Variants in GRIP1 observed in about 807,000 individuals in gnomAD.
GRIP1 encodes the protein glutamate receptor interacting protein 1.
GRIP1 carries 45 observed loss-of-function variants against 129.9 expected under a neutral mutation model. That is an observed-to-expected ratio of 0.35 (90% CI 0.27 to 0.44). The LOEUF (loss-of-function observed/expected upper bound fraction) is 0.44. GRIP1 is among the 20% of genes least tolerant of loss of function. The pLI is 1.00. For missense variants in GRIP1, 1,196 were observed against 1,396.8 expected, an observed-to-expected ratio of 0.86 and a Z score of 2.29; for synonymous variants, 530 against 520.8, an observed-to-expected ratio of 1.02 and a Z score of -0.24.
At chr12:66,928,469 G>A (rs1421821752) in intron 1 of GRIP1, among the ~76,000 whole-genome samples, 1 of 151,978 alleles carries the variant, frequency 6.6e-6, no homozygotes, top group African/African-American at 2.4e-5. Flanking sequence ...AATTGACCAG[G>A]AGTTTCCTTG....
At chr12:66,368,179 G>T (rs1238533863) in intron 23 of GRIP1, among the ~76,000 whole-genome samples, 3 of 152,136 alleles carry the variant, frequency 2.0e-5, no homozygotes, top group Non-Finnish European at 4.4e-5. Context: ...TGGAAGGTGA[G>T]CCAATGCATT....
intron 1 of GRIP1, among the ~76,000 whole-genome samples, chr12:66,769,757 A>G (rs1385584291): frequency 1.3e-5 from 2 of 152,122 alleles, no homozygotes; most frequent in African/African-American, 2.4e-5. Context: ...AATATTTGTA[A>G]TGTCTTTTTG....
At chr12:66,503,780 G>A (rs537754950) in intron 7 of GRIP1, among the ~76,000 whole-genome samples, 3 of 152,258 alleles carry the variant, frequency 2.0e-5, no homozygotes, top group Admixed American at 2.0e-4. Context: ...GAAAAGCTTG[G>A]GGGAGCCTAC....
At chr12:66,994,197 GA>G (rs796904380) in intron 1 of GRIP1, among the ~76,000 whole-genome samples, 223 of 136,938 alleles carry the variant, frequency 1.6e-3, no homozygotes, top group Middle Eastern at 7.7e-3. Flanking sequence ...AGACAAGTGG[GA>G]AAAAAAAAAA....
In GRIP1 at chr12:67,059,766, C is replaced by T. The variant is rs985691212; in HGVS notation, c.58+9284G>A. 1.6e-4 allele frequency among the ~76,000 whole-genome samples: 25 copies of T among 152,306 alleles called. No homozygotes were observed. The South Asian group carries it at 1.9e-3, about 11-fold the overall frequency. ...GCCCATCCTTCTGAACCATTATCTC[C>T]AACCCCAGCTATATAAGTATACTCT... On this transcript the variant is annotated intron_variant, in intron 1 of 1. Coordinates refer to the GRIP1 transcript ENST00000643019.
intron 7 of GRIP1, among the ~76,000 whole-genome samples, chr12:66,478,817 G>T (rs1015001438): frequency 1.3e-5 from 2 of 152,094 alleles, no homozygotes; most frequent in African/African-American, 4.8e-5. Context: ...CTCATAGGTG[G>T]GAACTGAACA....
At chr12:66,588,741 C>T (rs1183478180) in intron 2 of GRIP1, among the ~76,000 whole-genome samples, 2 of 152,036 alleles carry the variant, frequency 1.3e-5, no homozygotes, top group East Asian at 3.9e-4. Flanking sequence ...GAGGCCGAGG[C>T]AGGTAGATCA....
chr12:66,465,770 A>T (rs2059269190), intron 7 of GRIP1, among the ~76,000 whole-genome samples: 1 of 152,234 alleles, frequency 6.6e-6, no homozygotes, highest in Admixed American at 6.5e-5. Context: ...AAGGTTTTTT[A>T]AATTAATTAC....
At chr12:66,591,083 G>A (rs1374812190) in intron 2 of GRIP1, among the ~76,000 whole-genome samples, 1 of 152,084 alleles carries the variant, frequency 6.6e-6, no homozygotes, top group African/African-American at 2.4e-5. Context: ...TAGAGGACCT[G>A]CCCTCCTGTA....
chr12:66,703,588 G>A (rs1032006197), intron 1 of GRIP1, among the ~76,000 whole-genome samples: 1 of 152,030 alleles, frequency 6.6e-6, no homozygotes, highest in African/African-American at 2.4e-5. Flanking sequence ...GGATCAACAG[G>A]GCAACTGACA....
At chr12:67,028,758 T>C (rs1389379486) in intron 1 of GRIP1, among the ~76,000 whole-genome samples, 3 of 152,216 alleles carry the variant, frequency 2.0e-5, no homozygotes, top group East Asian at 1.9e-4. Context: ...GTGGTAACTG[T>C]ATACTACAGT....
intron 1 of GRIP1, among the ~76,000 whole-genome samples, chr12:67,041,341 GAC>G (rs531521774): frequency 1.4e-3 from 207 of 151,812 alleles, no homozygotes; most frequent in Middle Eastern, 6.9e-3. Context: ...TGTGTGTATA[GAC>G]ACACATGTAT....
chr12:66,356,940 G>A (rs565760616), intron 23 of GRIP1, among the ~76,000 whole-genome samples: 2 of 152,020 alleles, frequency 1.3e-5, no homozygotes, highest in African/African-American at 2.4e-5. Flanking sequence ...GCATGACCTC[G>A]GCTCACTGCA....
Position 67,067,350 on chromosome 12 carries a change from T to C in GRIP1, c.58+1700A>G, listed in dbSNP as rs190844232. 1.9e-4 allele frequency among the ~76,000 whole-genome samples: 29 copies of C among 152,328 alleles called. No individual in the cohort carries two copies. In the East Asian group the frequency reaches 4.6e-3, roughly 24 times the overall value. On this transcript the variant is annotated intron_variant, in intron 1 of 1. Coordinates refer to the GRIP1 transcript ENST00000643019. ...AAACTTGTCGGAAGCATGGTGATTT[T>C]TTTTTTAAGCAAACTGATACATTTA...
intron 1 of GRIP1, among the ~76,000 whole-genome samples, chr12:66,877,791 G>A (rs2040407528): frequency 6.6e-6 from 1 of 151,830 alleles, no homozygotes; most frequent in African/African-American, 2.4e-5. Context: ...AAATGGAATG[G>A]GACTATGCTT....
At chr12:66,880,581 A>G (rs899770304) in intron 1 of GRIP1, among the ~76,000 whole-genome samples, 3 of 152,132 alleles carry the variant, frequency 2.0e-5, no homozygotes, top group East Asian at 1.9e-4. Context: ...AAAATTATTT[A>G]TAAGGATTCA....
At chr12:66,460,987 C>T (rs1345889480) in intron 9 of GRIP1, among the ~76,000 whole-genome samples, 1 of 152,172 alleles carries the variant, frequency 6.6e-6, no homozygotes, top group African/African-American at 2.4e-5. Context: ...GAACAACTTT[C>T]AGTAAACGTA....
At chr12:66,745,557 C>A (rs1443172282) in intron 1 of GRIP1, among the ~76,000 whole-genome samples, 3 of 152,090 alleles carry the variant, frequency 2.0e-5, no homozygotes, top group Non-Finnish European at 4.4e-5. Context: ...GCATGAAAGA[C>A]TACAATAGAA....
intron 4 of GRIP1, among the ~76,000 whole-genome samples, chr12:66,538,805 G>C (rs182165844): frequency 1.3e-5 from 2 of 151,686 alleles, no homozygotes; most frequent in African/African-American, 4.8e-5. Flanking sequence ...GCTTTGCCAT[G>C]TTGCCCAGGC....
Sources: allele counts gnomAD v4.1 joint callset (sites outside exome capture counted in the v4.1 genomes callset), GRCh38; gene constraint gnomAD v4.1.1; transcripts MANE v1.5; gene names NCBI Gene and HGNC (gene_info 2026-07-23, HGNC 2026-07-21).